DNAJC1: variants seen among roughly 807,000 people sequenced by gnomAD.
The protein encoded by DNAJC1 is DnaJ heat shock protein family (Hsp40) member C1, also known as dnaJ homolog subfamily C member 1.
DNAJC1 carries 58 observed loss-of-function variants against 76.6 expected under a neutral mutation model. The ratio of observed to expected loss-of-function variants is 0.76; its 90% CI spans 0.61 to 0.94. The LOEUF is 0.94. Ranked by LOEUF, DNAJC1 falls within the 40% of genes least tolerant of loss-of-function variation. The pLI, the probability that DNAJC1 is intolerant of heterozygous loss-of-function variation, is 0.00. For synonymous variants in DNAJC1, 258 were observed against 267.9 expected (o/e 0.96, Z 0.36); for missense variants, 689 against 677.3 (o/e 1.02, Z -0.19).
At chr10:21,989,671 T>C (rs1324307971) in intron 1 of DNAJC1, among the ~76,000 whole-genome samples, 1 of 152,158 alleles carries the variant, frequency 6.6e-6, no homozygotes, top group Non-Finnish European at 1.5e-5. Flanking sequence ...ACATTATGTA[T>C]CTGAGATGTT....
intron 1 of DNAJC1, among the ~76,000 whole-genome samples, chr10:21,984,341 T>A (rs1252284402): frequency 1.3e-5 from 2 of 152,210 alleles, no homozygotes; most frequent in Non-Finnish European, 1.5e-5. Flanking sequence ...GGGGCAGTTA[T>A]GGTCACAAGG....
At chr10:22,000,960 A>G (rs1490098425) in intron 1 of DNAJC1, among the ~76,000 whole-genome samples, 5 of 152,192 alleles carry the variant, frequency 3.3e-5, no homozygotes, top group Non-Finnish European at 7.3e-5. Flanking sequence ...ATGGCCTACA[A>G]CACAACAATT....
chr10:21,902,783 A>C (rs1209461585), intron 7 of DNAJC1, among the ~76,000 whole-genome samples: 1 of 152,168 alleles, frequency 6.6e-6, no homozygotes, highest in Non-Finnish European at 1.5e-5. Flanking sequence ...GTTACTACTA[A>C]ATAATTCTAA....
intron 8 of DNAJC1, among the ~76,000 whole-genome samples, chr10:21,838,108 C>A (rs1267928689): frequency 3.9e-5 from 6 of 152,034 alleles, no homozygotes; most frequent in Non-Finnish European, 5.9e-5. Flanking sequence ...CCGGCCGCCA[C>A]CCCGTCTGGG....
chr10:21,982,742 A>T (rs886343518), intron 1 of DNAJC1, among the ~76,000 whole-genome samples: 3 of 152,130 alleles, frequency 2.0e-5, no homozygotes, highest in African/African-American at 7.2e-5. Flanking sequence ...AGTAAAAACT[A>T]AGTACTGACG....
rs187461481 is a variant in DNAJC1 at position 21,838,823 on chromosome 10, A to G, written c.979-32724T>C. Among the ~76,000 whole-genome samples, 598 of 152,198 alleles carry G rather than the reference A, an allele frequency of 3.9e-3. 5 individuals carry two copies. The highest frequency in any genetic ancestry group is 0.014 in the African/African-American group (564 of 41,514). On this transcript the variant is annotated intron_variant, in intron 8 of 11. Transcript: ENST00000376980. ...TTCTTTTCAGCACCACAACACACCT[A>G]CTCCAAAACTGACCACACAGTTGGA...
chr10:21,811,217 T>C lies in DNAJC1; in HGVS notation c.979-5118A>G, dbSNP rs147171347. The stretch of plus-strand genomic sequence containing the variant: ...GCCTTGGTTGTATTTCTGAACATTA[T>C]TGGGTAAACTGAAGGCAACTCCATC... On this transcript the variant is annotated intron_variant, in intron 8 of 11. Transcript: ENST00000376980. Among the ~76,000 whole-genome samples the C allele has an allele frequency of 1.7e-4, 26 of 152,314 alleles. No individual in the cohort carries two copies. In the East Asian group the frequency reaches 4.6e-3, roughly 27 times the overall value.
intron 8 of DNAJC1, among the ~76,000 whole-genome samples, chr10:21,876,742 A>G (rs1327650740): frequency 1.3e-5 from 2 of 152,220 alleles, no homozygotes; most frequent in African/African-American, 4.8e-5. Flanking sequence ...ACAGACCTAC[A>G]CAGTTATGGA....
intron 9 of DNAJC1, among the ~76,000 whole-genome samples, chr10:21,777,010 G>A (rs1440762551): frequency 1.3e-5 from 2 of 152,092 alleles, no homozygotes; most frequent in Non-Finnish European, 2.9e-5. Context: ...CCATTCTATT[G>A]ACTTGCTGCA....
chr10:21,839,467 A>C (rs1835532506), intron 8 of DNAJC1, among the ~76,000 whole-genome samples: 1 of 152,222 alleles, frequency 6.6e-6, no homozygotes, highest in African/African-American at 2.4e-5. Flanking sequence ...AGAATACTAT[A>C]AACACCTCTA....
chr10:21,826,963 G>A (rs1363029501), intron 8 of DNAJC1, among the ~76,000 whole-genome samples: 1 of 145,176 alleles, frequency 6.9e-6, no homozygotes, highest in East Asian at 2.0e-4. Flanking sequence ...TCTTGTTCAA[G>A]TTTTTTTTTT....
chr10:21,911,402 T>A (rs953822492), intron 6 of DNAJC1, among the ~76,000 whole-genome samples: 2 of 152,176 alleles, frequency 1.3e-5, no homozygotes, highest in Non-Finnish European at 2.9e-5. Context: ...CAGAATTACA[T>A]ATAATATGCA....
At chr10:21,960,021 GC>G (rs1837761075) in intron 1 of DNAJC1, among the ~76,000 whole-genome samples, 1 of 152,052 alleles carries the variant, frequency 6.6e-6, no homozygotes, top group African/African-American at 2.4e-5. Context: ...ACCACAATGG[GC>G]CAAGCCACTA....
At chr10:21,891,492 AAAAG>A (rs1836462465) in intron 7 of DNAJC1, among the ~76,000 whole-genome samples, 1 of 150,090 alleles carries the variant, frequency 6.7e-6, no homozygotes, top group African/African-American at 2.4e-5. Context: ...AAAAAAAAAA[AAAAG>A]AAAAGAAAAA....
intron 1 of DNAJC1, among the ~76,000 whole-genome samples, chr10:21,955,327 G>C (rs1837659966): frequency 6.6e-6 from 1 of 151,902 alleles, no homozygotes; most frequent in Non-Finnish European, 1.5e-5. Context: ...TACTATTTAA[G>C]GTAAAAATTA....
intron 9 of DNAJC1, among the ~76,000 whole-genome samples, chr10:21,779,888 A>T (rs1428270578): frequency 6.6e-6 from 1 of 152,228 alleles, no homozygotes; most frequent in Non-Finnish European, 1.5e-5. Flanking sequence ...ACCAGTGTAG[A>T]GAAGACCTTC....
intron 8 of DNAJC1, among the ~76,000 whole-genome samples, chr10:21,832,483 T>C (rs931991921): frequency 1.3e-5 from 2 of 152,204 alleles, no homozygotes; most frequent in African/African-American, 4.8e-5. Context: ...CATATCATTC[T>C]CTCTGCCAAA....
chr10:21,956,890 T>C lies in DNAJC1; in HGVS notation c.223-27749A>G, dbSNP rs906777791. On this transcript the variant is annotated intron_variant, in intron 1 of 11. Coordinates refer to ENST00000376980, the MANE Select transcript of DNAJC1 (RefSeq NM_022365.4). ...AATTTTTCTTTTCAGACAATTCTTA[T>C]TTCTAGATTTTTTTTTTTTTTTTTG... is the stretch of plus-strand genomic sequence containing the variant. Among the ~76,000 whole-genome samples, 73 of 150,496 alleles carry C rather than the reference T, an allele frequency of 4.9e-4. 1 individual carries two copies. Among genetic ancestry groups the C allele is most frequent in the Middle Eastern group, 3.4e-3 (1 of 292 alleles).
At chr10:21,970,662 C>T (rs944244282) in intron 1 of DNAJC1, among the ~76,000 whole-genome samples, 1 of 151,920 alleles carries the variant, frequency 6.6e-6, no homozygotes, top group African/African-American at 2.4e-5. Context: ...GATTTATTTT[C>T]AGACATGGAC....
Sources: allele counts gnomAD v4.1 joint callset (sites outside exome capture counted in the v4.1 genomes callset), GRCh38; gene constraint gnomAD v4.1.1; transcripts MANE v1.5; gene names NCBI Gene and HGNC (gene_info 2026-07-23, HGNC 2026-07-21).